Variants in RAP1GAP2 observed in about 807,000 individuals in gnomAD.
The protein encoded by RAP1GAP2 is RAP1 GTPase activating protein 2.
RAP1GAP2 carries 27 observed loss-of-function variants against 95.0 expected under a neutral mutation model. That is an observed-to-expected ratio of 0.28 (90% confidence interval 0.21 to 0.39). The LOEUF (loss-of-function observed/expected upper bound fraction) is 0.39, where lower values mean the gene tolerates loss of function less well. Among genes scored for constraint, RAP1GAP2 ranks in the 10% least tolerant of loss-of-function variants. The pLI is 1.00. For missense variants in RAP1GAP2, 771 were observed against 970.0 expected (o/e 0.79, Z 2.72); for synonymous variants, 373 against 380.9 (o/e 0.98, Z 0.24).
chr17:2,777,959 TGGGAGGCG>T (rs58215867), intron 1 of RAP1GAP2, among the ~76,000 whole-genome samples: 45,643 of 89,702 alleles, frequency 0.51, 10,063 homozygotes, highest in East Asian at 0.65. Context: ...GCTGGGAGGC[TGGGAGGCG>T]GGGAGGCTGG....
chr17:2,822,627 GTTTTTTTT>G (rs66503004), intron 2 of RAP1GAP2, among the ~76,000 whole-genome samples: 1 of 127,852 alleles, frequency 7.8e-6, no homozygotes, highest in African/African-American at 2.7e-5. Flanking sequence ...GTTTTTTTTT[GTTTTTTTT>G]TTTTTTTTTT....
Position 2,904,392 on chromosome 17 carries a change from C to T in RAP1GAP2, c.81-892C>T, listed in dbSNP as rs1204210237. On this transcript the variant is annotated intron_variant, in intron 2 of 24. Transcript: ENST00000254695. This position sits in a 1 kb window ranked among gnomAD's most constrained non-coding sequence, Gnocchi z 4.7. ...GAGTGTGTGAGCGCGGCAAACTTGT[C>T]GCAGTCATGTTGCCATGGTGACACA... 6.6e-6 allele frequency among the ~76,000 whole-genome samples: 1 copy of T among 152,130 alleles called. No individual in the cohort carries two copies. Among genetic ancestry groups the T allele is most frequent in the Non-Finnish European group, 1.5e-5 (1 of 68,014 alleles).
At chr17:2,916,963 C>A (rs1361475585) in intron 3 of RAP1GAP2, among the ~76,000 whole-genome samples, 1 of 152,240 alleles carries the variant, frequency 6.6e-6, no homozygotes, top group East Asian at 1.9e-4. Flanking sequence ...GGGCTTCGGC[C>A]TAGGCGTCTA....
In RAP1GAP2 at chr17:2,998,767, C is replaced by T. The variant is rs984462467; in HGVS notation, c.1200+391C>T. Among the ~76,000 whole-genome samples the T allele has an allele frequency of 7.3e-5, 11 of 149,844 alleles. 1 individual carries two copies. The highest frequency in any genetic ancestry group is 2.2e-4 in the African/African-American group (9 of 40,420). On this transcript the variant is annotated intron_variant, in intron 14 of 24. Coordinates refer to ENST00000254695, the MANE Select transcript of RAP1GAP2 (RefSeq NM_015085.5). ...TTGGAATTTGGTGATGCCATTTGCTCGCTGTGAGTGTAGTATTTGGAATTT... is the reference window on the plus strand; with the variant it reads ...TTGGAATTTGGTGATGCCATTTGCTTGCTGTGAGTGTAGTATTTGGAATTT...
At chr17:3,025,321 A>T (rs1279249548) in intron 19 of RAP1GAP2, among the ~76,000 whole-genome samples, 2 of 152,164 alleles carry the variant, frequency 1.3e-5, no homozygotes, top group Non-Finnish European at 2.9e-5. Context: ...AGGTTGCAGC[A>T]ATCCAAGATC....
chr17:2,878,459 C>T (rs116634613), intron 2 of RAP1GAP2, among the ~76,000 whole-genome samples: 1,664 of 152,126 alleles, frequency 0.011, 37 homozygotes, highest in African/African-American at 0.037. Flanking sequence ...GTCAGAGCTG[C>T]GGAAGCCCCT....
intron 1 of RAP1GAP2, chr17:2,777,309 A>G (rs1316045787): frequency 6.6e-6 from 1 of 152,280 alleles, no homozygotes; most frequent in Non-Finnish European, 1.5e-5. Flanking sequence ...GGTAGAAGGA[A>G]AACAGCCAGG....
upstream of RAP1GAP2, among the ~76,000 whole-genome samples, chr17:2,773,345 C>G (rs1047763688): frequency 4.6e-5 from 7 of 152,268 alleles, no homozygotes; most frequent in African/African-American, 1.4e-4. Context: ...GATTAGTTTT[C>G]TAGACTCAAA....
chr17:2,902,904 G>T lies in RAP1GAP2; in HGVS notation c.81-2380G>T, dbSNP rs560878906. Among the ~76,000 whole-genome samples the T allele has an allele frequency of 3.3e-5, 5 of 152,320 alleles. No homozygotes were observed. In the South Asian group the frequency reaches 1.0e-3, roughly 32 times the overall value. On this transcript the variant is annotated intron_variant, in intron 2 of 24. Coordinates refer to ENST00000254695, the MANE Select transcript of RAP1GAP2 (RefSeq NM_015085.5). This position sits in a 1 kb window ranked among gnomAD's most constrained non-coding sequence, Gnocchi z 4.1. ...GAACAATAATCATATGTGCCCTGGT[G>T]CCATGAGCGTGGACACCTTGTGCCT...
chr17:2,874,345 G>GA (rs957680537), intron 2 of RAP1GAP2, among the ~76,000 whole-genome samples: 3 of 152,162 alleles, frequency 2.0e-5, no homozygotes, highest in African/African-American at 7.2e-5. Flanking sequence ...TGGAATTTCA[G>GA]AAAAATTCAT....
At position 2,786,004 on chromosome 17, in the gene RAP1GAP2, C is replaced by T. The variant is rs190180533; in HGVS notation, c.-14+8726C>T. 7.8e-3 allele frequency among the ~76,000 whole-genome samples: 1,168 copies of T among 149,448 alleles called. 18 individuals are homozygous for T. Among genetic ancestry groups the T allele is most frequent in the African/African-American group, 0.027 (1,111 of 40,466 alleles). ...GCAACCTCCACCTCCCGGGTTCAAG[C>T]GATTCTCCTGCCTCAGCCTCCTGCG... On this transcript the variant is annotated intron_variant, in intron 1 of 24. Coordinates refer to the RAP1GAP2 transcript ENST00000540393.
intron 4 of RAP1GAP2, among the ~76,000 whole-genome samples, chr17:2,960,659 G>T (rs866470247): frequency 6.6e-6 from 1 of 152,208 alleles, no homozygotes; most frequent in African/African-American, 2.4e-5. Flanking sequence ...TCCTTCTGGG[G>T]CCCCAGTGTC....
intron 18 of RAP1GAP2, among the ~76,000 whole-genome samples, chr17:3,019,265 G>A (rs562348515): frequency 3.9e-5 from 6 of 152,208 alleles, no homozygotes; most frequent in East Asian, 1.9e-4. Flanking sequence ...AAAGTGGGCC[G>A]GGCATGGTGG....
At chr17:2,874,693 C>G (rs1263272357) in intron 2 of RAP1GAP2, among the ~76,000 whole-genome samples, 1 of 152,158 alleles carries the variant, frequency 6.6e-6, no homozygotes, top group Non-Finnish European at 1.5e-5. Flanking sequence ...CCCATGGAAA[C>G]AAAGGAGCAG....
chr17:2,956,984 C>G (rs142057065), intron 3 of RAP1GAP2, among the ~76,000 whole-genome samples: 1 of 151,948 alleles, frequency 6.6e-6, no homozygotes, highest in Non-Finnish European at 1.5e-5. Flanking sequence ...AAAAATTAGC[C>G]GGGCACGATG....
In RAP1GAP2 at chr17:2,930,390, G is replaced by A. The variant is rs190613679; in HGVS notation, c.165+25022G>A. Reference sequence around the variant, plus strand: ...GCCAGGAACTGGGACCCTGCCCTGCGTCCACTGCCAGCCTCAGTGCTCAGG... The same window carrying A: ...GCCAGGAACTGGGACCCTGCCCTGCATCCACTGCCAGCCTCAGTGCTCAGG... On this transcript the variant is annotated intron_variant, in intron 3 of 24. Coordinates refer to ENST00000254695, the MANE Select transcript of RAP1GAP2 (RefSeq NM_015085.5). Among the ~76,000 whole-genome samples, 902 of 152,362 alleles carry A rather than the reference G, an allele frequency of 5.9e-3. 10 individuals are homozygous for A. The highest frequency in any genetic ancestry group is 7.2e-3 in the Non-Finnish European group (490 of 68,042).
chr17:2,834,303 C>A (rs11658501), intron 2 of RAP1GAP2, among the ~76,000 whole-genome samples: 23,383 of 152,194 alleles, frequency 0.15, 1,947 homozygotes, highest in Middle Eastern at 0.19. Flanking sequence ...AATGCATTTC[C>A]CTTGCTGAAG....
rs139269958 is a variant in RAP1GAP2 at position 2,840,872 on chromosome 17, C to T, written c.80+40322C>T. On this transcript the variant is annotated intron_variant, in intron 2 of 24. Transcript: ENST00000254695. ...AATTAGCTGGGTGTGGTGGCCTGGG[C>T]CTGTAGTCCCAGTTACTCAGGAGGC... Among the ~76,000 whole-genome samples the T allele has an allele frequency of 2.2e-3, 330 of 152,258 alleles. 1 individual carries two copies. The highest frequency in any genetic ancestry group is 7.7e-3 in the African/African-American group (319 of 41,556).
At chr17:2,957,142 AG>A (rs2044146351) in intron 3 of RAP1GAP2, among the ~76,000 whole-genome samples, 4 of 130,706 alleles carry the variant, frequency 3.1e-5, no homozygotes, top group Admixed American at 7.1e-5. Context: ...AAAAAAAAAA[AG>A]AAAAAAAAAA....
Sources: allele counts gnomAD v4.1 joint callset (sites outside exome capture counted in the v4.1 genomes callset), GRCh38; gene constraint gnomAD v4.1.1; non-coding constraint Gnocchi (gnomAD v3.1); transcripts MANE v1.5; gene names NCBI Gene and HGNC (gene_info 2026-07-23, HGNC 2026-07-21).